Variants in FMNL3 observed in about 807,000 individuals in gnomAD.
The protein encoded by FMNL3 is formin like 3.
In FMNL3, 57 loss-of-function variants were observed where a neutral mutation model predicts 119.6. The ratio of observed to expected loss-of-function variants is 0.48; its 90% confidence interval spans 0.39 to 0.59. The LOEUF is 0.59. FMNL3 is among the 20% of genes least tolerant of loss of function. The probability of loss-of-function intolerance (pLI) is 0.00; values close to 1 mark genes in which losing one functional copy is unlikely to be tolerated. For synonymous variants in FMNL3, 491 were observed against 507.3 expected, an observed-to-expected ratio of 0.97 and a Z score of 0.43; for missense variants, 1,053 against 1,323.5, an observed-to-expected ratio of 0.80 and a Z score of 3.17.
chr12:49,669,430 G>T (rs182874282), intron 1 of FMNL3, among the ~76,000 whole-genome samples: 1 of 152,270 alleles, frequency 6.6e-6, no homozygotes, highest in East Asian at 1.9e-4. Flanking sequence ...CCATGGACTA[G>T]CCCTACCCAT....
chr12:49,676,575 G>C (rs1416217523), intron 1 of FMNL3, among the ~76,000 whole-genome samples: 1 of 114,730 alleles, frequency 8.7e-6, no homozygotes, highest in African/African-American at 3.2e-5. Context: ...CAACTAGAAA[G>C]AACATAAACT....
In FMNL3 at chr12:49,637,332, C is replaced by T. The variant is rs1288561283; in HGVS notation, c.*8483G>A. 1 of 634,196 alleles carries T rather than the reference C, an allele frequency of 1.6e-6. No homozygotes were observed. Among genetic ancestry groups the T allele is most frequent in the African/African-American group, 1.8e-5 (1 of 55,096 alleles). 39.3% of individuals were successfully genotyped at this position (634,196 alleles called of 1,614,324 possible). On this transcript the variant is annotated 3_prime_UTR_variant, in exon 26 of 26. Transcript: ENST00000335154. ...TCTCAGCCTTCCATCTGCATCTCTTCATCTCTGCCTCTCTTGCCTGCATTT... is the reference window on the plus strand; with the variant it reads ...TCTCAGCCTTCCATCTGCATCTCTTTATCTCTGCCTCTCTTGCCTGCATTT...
At chr12:49,690,200 C>A (rs555109248) in intron 1 of FMNL3, among the ~76,000 whole-genome samples, 1 of 152,324 alleles carries the variant, frequency 6.6e-6, no homozygotes, top group East Asian at 1.9e-4. Flanking sequence ...TAAGTACATA[C>A]ACATTTTGTC....
intron 1 of FMNL3, chr12:49,688,357 T>C (rs929892940): frequency 1.3e-5 from 6 of 455,398 alleles, no homozygotes; most frequent in Admixed American, 1.2e-4. Flanking sequence ...CTTAACCTTA[T>C]AAAGCATACC....
Position 49,641,749 on chromosome 12 carries a change from T to C in FMNL3, c.*4066A>G, listed in dbSNP as rs1275998614. The C allele has an allele frequency of 4.9e-6, 3 of 615,738 alleles. No individual in the cohort carries two copies. The highest frequency in any genetic ancestry group is 8.6e-6 in the Non-Finnish European group (3 of 347,828). The allele number at this position is 615,738 out of a possible 1,614,324, so 38.1% of individuals were successfully genotyped here. On this transcript the variant is annotated 3_prime_UTR_variant, in exon 26 of 26. Transcript: ENST00000335154. ...GCATGGGGGCTTAATTGTCAAGTGATGAGGACTTGGATAACTTGGTTTCTA... is the reference window on the plus strand; with the variant it reads ...GCATGGGGGCTTAATTGTCAAGTGACGAGGACTTGGATAACTTGGTTTCTA...
At chr12:49,694,712 C>T (rs1349341392) in intron 1 of FMNL3, among the ~76,000 whole-genome samples, 1 of 152,080 alleles carries the variant, frequency 6.6e-6, no homozygotes, top group African/African-American at 2.4e-5. Flanking sequence ...AGTTCCAGGA[C>T]CAGCCTGGCC....
At chr12:49,670,570 T>G (rs1265475217) in intron 1 of FMNL3, among the ~76,000 whole-genome samples, 2 of 152,066 alleles carry the variant, frequency 1.3e-5, no homozygotes, top group African/African-American at 4.8e-5. Flanking sequence ...CATGGAAGAA[T>G]TTAGGACCAA....
rs928499344 is a variant in FMNL3 at position 49,640,427 on chromosome 12, C to G, written c.*5388G>C. The G allele has an allele frequency of 1.3e-5, 2 of 152,112 alleles. No individual in the cohort carries two copies. The highest frequency in any genetic ancestry group is 6.5e-5 in the Admixed American group (1 of 15,274). The allele number at this position is 152,112 out of a possible 1,614,324, so 9.4% of individuals were successfully genotyped here. ...GAATAAAAGGTCAGAGAGGGTGTGA[C>G]CTGGAGAGGGGAGTGTTGAAGAAGT... On this transcript the variant is annotated 3_prime_UTR_variant, in exon 26 of 26. Transcript: ENST00000335154.
intron 1 of FMNL3, among the ~76,000 whole-genome samples, chr12:49,685,879 CAACACGGTGA>C (rs1944443984): frequency 6.6e-6 from 1 of 151,984 alleles, no homozygotes; most frequent in Non-Finnish European, 1.5e-5. Context: ...CCAGCGTGGC[CAACACGGTGA>C]AACCCCGTCT....
At position 49,643,027 on chromosome 12, in the gene FMNL3, G is replaced by T. The variant is rs150633132; in HGVS notation, c.*2788C>A. Reference sequence around the variant, plus strand: ...TCCCACTCACCCTCAGTGAGTAAGCGTGTAGAAGGGACATGGGGTGAAGCT... The same window carrying T: ...TCCCACTCACCCTCAGTGAGTAAGCTTGTAGAAGGGACATGGGGTGAAGCT... On this transcript the variant is annotated 3_prime_UTR_variant, in exon 26 of 26. Coordinates refer to ENST00000335154, the MANE Select transcript of FMNL3 (RefSeq NM_175736.5). 2 of 1,612,730 alleles carry T rather than the reference G, an allele frequency of 1.2e-6. No individual in the cohort carries two copies. The highest frequency in any genetic ancestry group is 1.1e-5 in the South Asian group (1 of 90,954).
chr12:49,653,955 C>T, intron 11 of FMNL3, 81 bp from the exon 12 acceptor site: 1 of 1,523,508 alleles, frequency 6.6e-7, no homozygotes, highest in South Asian at 1.2e-5. Flanking sequence ...TCTTAGTCCT[C>T]ATCCCCCTTC....
Position 49,648,225 on chromosome 12 carries a change from C to T in FMNL3, c.2644G>A (p.Asp882Asn). Reference protein sequence around the residue: ...NFLSTNEGKLDKLQRDAKTAE... With the variant: ...NFLSTNEGKLNKLQRDAKTAE... ...GTCTTGGCGTCCCGCTGGAGCTTGTCTAGTTTGCCTTCATTGGTACTGAGG... is the reference window on the plus strand; with the variant it reads ...GTCTTGGCGTCCCGCTGGAGCTTGTTTAGTTTGCCTTCATTGGTACTGAGG... Residue 882 changes from aspartate (D) to asparagine (N), a missense_variant, in exon 22 of 26, where the codon GAC becomes AAC. Physicochemically the swap from Asp to Asn is conservative, Grantham distance 23 (BLOSUM62 1). Coordinates refer to ENST00000335154, the MANE Select transcript of FMNL3 (RefSeq NM_175736.5). 1 of 1,613,904 alleles carries T rather than the reference C, an allele frequency of 6.2e-7. No homozygotes were observed. Among genetic ancestry groups the T allele is most frequent in the South Asian group, 1.1e-5 (1 of 91,046 alleles).
Position 49,645,909 on chromosome 12 carries a change from G to C in FMNL3, c.2996-6C>G, listed in dbSNP as rs562531088. 42 of 1,611,298 alleles carry C rather than the reference G, an allele frequency of 2.6e-5. No individual in the cohort carries two copies. The South Asian group carries it at 4.5e-4, about 17-fold the overall frequency. On this transcript the variant is annotated splice_polypyrimidine_tract_variant and splice_region_variant and intron_variant, in intron 25 of 25. Coordinates refer to ENST00000335154, the MANE Select transcript of FMNL3 (RefSeq NM_175736.5). ...CATAGGCTGGCAGTGGAGGCCTGTG[G>C]GGGAAGAGAGAGACCTGTGAACAGG...
At chr12:49,694,834 C>T (rs1240122445) in intron 1 of FMNL3, among the ~76,000 whole-genome samples, 3 of 152,000 alleles carry the variant, frequency 2.0e-5, no homozygotes, top group Admixed American at 6.6e-5. Flanking sequence ...ATTGCTTGAA[C>T]CCAGGCAGCA....
chr12:49,687,788 C>T (rs189288859), intron 1 of FMNL3, among the ~76,000 whole-genome samples: 5 of 152,262 alleles, frequency 3.3e-5, no homozygotes, highest in East Asian at 1.9e-4. Context: ...AGTGGGGCTA[C>T]ATGAGAAGCA....
intron 11 of FMNL3, 133 bp from the exon 12 acceptor site, chr12:49,654,007 A>T: frequency 5.2e-6 from 7 of 1,347,356 alleles, no homozygotes; most frequent in Non-Finnish European, 7.0e-6. Context: ...GCCATGTCAG[A>T]TTCTCGCCCC....
chr12:49,649,073 G>A lies in FMNL3; in HGVS notation c.2471C>T (p.Ala824Val). The A allele has an allele frequency of 6.2e-7, 1 of 1,612,750 alleles. No individual in the cohort carries two copies. Among genetic ancestry groups the A allele is most frequent in the Admixed American group, 1.7e-5 (1 of 59,902 alleles). Residue 824 changes from alanine (A) to valine (V), a missense_variant, in exon 21 of 26, where the codon GCT becomes GTT. By Grantham distance (64) the Ala-to-Val change is moderately conservative (BLOSUM62 0). Coordinates refer to ENST00000335154, the MANE Select transcript of FMNL3 (RefSeq NM_175736.5). The surrounding 1 kb of genome is among the most constrained non-coding windows in gnomAD (Gnocchi z 5.6). ...LTVKEKYPDL[A>V]NFWHELHFVE... ...AAAGTGCAGCTCATGCCAGAAGTTA[G>A]CCAGGTCTGGGTATTTCTCCTTCAC...
chr12:49,644,932 C>G lies in FMNL3; in HGVS notation c.*883G>C, dbSNP rs987164252. The G allele has an allele frequency of 1.3e-5, 2 of 152,182 alleles. No homozygotes were observed. The highest frequency in any genetic ancestry group is 1.3e-4 in the Admixed American group (2 of 15,280). The allele number at this position is 152,182 out of a possible 1,614,324, so 9.4% of individuals were successfully genotyped here. On this transcript the variant is annotated 3_prime_UTR_variant, in exon 26 of 26. Coordinates refer to ENST00000335154, the MANE Select transcript of FMNL3 (RefSeq NM_175736.5). ...TCAGAAAGAGGAGACAAAGTCAGGC[C>G]TGGTGCATCAAGCCTTTGTTGAGAG...
chr12:49,700,714 C>CAAAAA (rs59073094), intron 1 of FMNL3, among the ~76,000 whole-genome samples: 1 of 64,006 alleles, frequency 1.6e-5, no homozygotes. Context: ...GACTCCACCT[C>CAAAAA]AAAAAAAAAA....
Sources: gnomAD v4.1 joint callset for allele counts (sites outside exome capture counted in the v4.1 genomes callset) on GRCh38, gnomAD v4.1.1 for gene constraint, Gnocchi (gnomAD v3.1) non-coding constraint, MANE v1.5 for transcripts, NCBI Gene and HGNC (gene_info 2026-07-23, HGNC 2026-07-21) for gene names.